The following ZMYM5 variants were observed in gnomAD, a reference collection of about 807,000 sequenced individuals.
ZMYM5 encodes the protein zinc finger MYM-type containing 5.
ZMYM5 carries 41 observed loss-of-function variants against 61.8 expected under a neutral mutation model. That is an observed-to-expected ratio of 0.66 (90% CI 0.52 to 0.86). The LOEUF is 0.86. Ranked by LOEUF, ZMYM5 falls within the 40% of genes least tolerant of loss-of-function variation. ZMYM5 has a pLI of 0.00. For missense variants in ZMYM5, 706 were observed against 786.7 expected (o/e 0.90, Z 1.23); for synonymous variants, 257 against 276.4 (o/e 0.93, Z 0.70).
intron 6 of ZMYM5, 136 bp from the exon 7 acceptor site, chr13:19,835,825 G>GT: frequency 3.4e-6 from 2 of 583,784 alleles, no homozygotes; most frequent in Non-Finnish European, 5.1e-6. Flanking sequence ...CCAGGGAAAA[G>GT]ATTTTTTTTT....
At chr13:19,836,418 T>C (rs936988013) in intron 6 of ZMYM5, among the ~76,000 whole-genome samples, 1 of 152,130 alleles carries the variant, frequency 6.6e-6, no homozygotes, top group Non-Finnish European at 1.5e-5. Flanking sequence ...GATTTTGACA[T>C]GACCCGCTTA....
In ZMYM5 at chr13:19,837,834, G is replaced by T; in HGVS notation, c.873-13C>A. 1.3e-6 allele frequency: 2 copies of T among 1,569,636 alleles called. No individual in the cohort carries two copies. Among genetic ancestry groups the T allele is most frequent in the East Asian group, 4.6e-5 (2 of 43,254 alleles). On this transcript the variant is annotated splice_polypyrimidine_tract_variant and intron_variant, in intron 5 of 7. Transcript: ENST00000337963. The stretch of plus-strand genomic sequence containing the variant: ...TGTAGATGCATCTCTGAAACAGAAG[G>T]GATAGACACATAATTTAAGAACACT...
intron 7 of ZMYM5, among the ~76,000 whole-genome samples, chr13:19,830,833 CTTTTTCTT>C (rs1891171164): frequency 7.0e-6 from 1 of 143,164 alleles, no homozygotes; most frequent in Non-Finnish European, 1.5e-5. Flanking sequence ...TTATGAGTTA[CTTTTTCTT>C]TTTTTTTTTT....
intron 4 of ZMYM5, among the ~76,000 whole-genome samples, chr13:19,849,797 T>C (rs552379030): frequency 1.5e-4 from 23 of 152,004 alleles, no homozygotes; most frequent in Admixed American, 7.9e-4. Flanking sequence ...CTGGCCAACA[T>C]AGTGAAACCC....
chr13:19,851,429 GGTC>G lies in ZMYM5; in HGVS notation c.509_511del (p.Arg170_Pro171delinsThr). ...CACATTCATTCTACCAGGGTTAAAAGGTCTTACTCCAGTCTTGGTCTGTGGAGT... is the reference window on the plus strand; with the variant it reads ...CACATTCATTCTACCAGGGTTAAAAGTTACTCCAGTCTTGGTCTGTGGAGT... On this transcript the variant is annotated inframe_deletion, in exon 4 of 8. Transcript: ENST00000337963. 6.2e-7 allele frequency: 1 copy of G among 1,614,074 alleles called. No individual in the cohort carries two copies. The highest frequency in any genetic ancestry group is 1.1e-5 in the South Asian group (1 of 91,072).
rs1007126726 is a variant in ZMYM5 at position 19,829,449 on chromosome 13, A to G, written c.1252-4214T>C. 2.0e-5 allele frequency among the ~76,000 whole-genome samples: 3 copies of G among 152,072 alleles called. 1 individual carries two copies. The highest frequency in any genetic ancestry group is 6.8e-3 in the Middle Eastern group (2 of 292). On this transcript the variant is annotated intron_variant, in intron 7 of 7. Transcript: ENST00000337963. Reference sequence around the variant, plus strand: ...TGGGACCACAGGGGCATGCCACGCCAGCTAATTTTTAAGTTTTTTTTGTAG... The same window carrying G: ...TGGGACCACAGGGGCATGCCACGCCGGCTAATTTTTAAGTTTTTTTTGTAG...
intron 4 of ZMYM5, among the ~76,000 whole-genome samples, chr13:19,842,640 C>CT (rs1224676783): frequency 5.1e-4 from 69 of 135,662 alleles, no homozygotes; most frequent in Admixed American, 1.6e-3. Context: ...ATGACTTAAG[C>CT]TTTTTTTTTT....
chr13:19,844,681 G>A (rs1160062499), intron 4 of ZMYM5, among the ~76,000 whole-genome samples: 5 of 152,178 alleles, frequency 3.3e-5, no homozygotes, highest in African/African-American at 1.2e-4. Context: ...GAGTGCAGTG[G>A]CGCAATATCG....
chr13:19,849,640 T>A (rs1566102576), intron 4 of ZMYM5, among the ~76,000 whole-genome samples: 1 of 152,110 alleles, frequency 6.6e-6, no homozygotes, highest in African/African-American at 2.4e-5. Context: ...TCTATAATAA[T>A]CACATAGTAT....
rs199536667 is a variant in ZMYM5, at chr13:19,838,682, T to C, written c.872+18A>G. 2.5e-5 allele frequency: 40 copies of C among 1,611,972 alleles called. No homozygotes were observed. In the East Asian group the frequency reaches 3.6e-4, roughly 14 times the overall value. ...TAGTATTCAACTATGTGGAGAAATG[T>C]TGAAAGGTACTGCTTACTTTTTACA... On this transcript the variant is annotated intron_variant, in intron 5 of 7. Coordinates refer to ENST00000337963, the MANE Select transcript of ZMYM5 (RefSeq NM_001142684.2).
chr13:19,860,436 GTGTGTGTGTGTA>G (rs1187018440), intron 2 of ZMYM5, among the ~76,000 whole-genome samples: 53 of 98,230 alleles, frequency 5.4e-4, no homozygotes, highest in South Asian at 4.6e-3. Flanking sequence ...AATTTTGTGT[GTGTGTGTGTGTA>G]TGTGTGTGTG....
chr13:19,861,358 ACACTGGAACT>A (rs1953754668), intron 2 of ZMYM5, among the ~76,000 whole-genome samples: 1 of 152,106 alleles, frequency 6.6e-6, no homozygotes, highest in African/African-American at 2.4e-5. Context: ...CATGTTGTCC[ACACTGGAACT>A]CCTGGGCTCA....
In ZMYM5 at chr13:19,835,483, A is replaced by G. The variant is rs779685959; in HGVS notation, c.1245T>C (p.Tyr415=). The G allele has an allele frequency of 1.5e-6, 2 of 1,366,740 alleles. No homozygotes were observed. The highest frequency in any genetic ancestry group is 3.0e-5 in the African/African-American group (2 of 67,762). 84.7% of individuals were successfully genotyped at this position (1,366,740 alleles called of 1,614,324 possible). Residue 415 remains tyrosine, a synonymous_variant, in exon 7 of 8, where the codon TAT becomes TAC. Coordinates refer to ENST00000337963, the MANE Select transcript of ZMYM5 (RefSeq NM_001142684.2). ...GCTCATGAAAAAGAATTACCTGTTT[A>G]TATTCGTTAATACAACTTTGGCAGC... is the stretch of plus-strand genomic sequence containing the variant. The part of the protein sequence containing the change: ...RFCCQSCINE[Y]KQMMETKSKK...
At chr13:19,854,350 C>T (rs1018595364) in intron 2 of ZMYM5, among the ~76,000 whole-genome samples, 10 of 152,102 alleles carry the variant, frequency 6.6e-5, no homozygotes, top group African/African-American at 1.7e-4. Context: ...CCCTGCTGGG[C>T]GTGGTGGCTC....
chr13:19,826,532 G>T (rs1890925672), intron 7 of ZMYM5, among the ~76,000 whole-genome samples: 1 of 151,912 alleles, frequency 6.6e-6, no homozygotes, highest in South Asian at 2.1e-4. Context: ...CGAGGTGGGG[G>T]GATCACGAGG....
chr13:19,858,585 CAAAAAAAAAAA>C (rs34468029), intron 2 of ZMYM5, among the ~76,000 whole-genome samples: 4 of 85,340 alleles, frequency 4.7e-5, no homozygotes, highest in Non-Finnish European at 8.2e-5. Context: ...GACGCTGTTT[CAAAAAAAAAAA>C]AAAAAAAAAA....
intron 7 of ZMYM5, among the ~76,000 whole-genome samples, chr13:19,830,721 T>TCA (rs1003503415): frequency 2.6e-5 from 4 of 152,014 alleles, no homozygotes; most frequent in African/African-American, 9.7e-5. Context: ...AGACAGGGGC[T>TCA]CACCATGTTG....
At chr13:19,850,215 T>C (rs9315166) in intron 4 of ZMYM5, among the ~76,000 whole-genome samples, 18,270 of 152,176 alleles carry the variant, frequency 0.12, 1,443 homozygotes, top group African/African-American at 0.22. Context: ...TAGGACTATC[T>C]ATATAAGTTC....
intron 2 of ZMYM5, among the ~76,000 whole-genome samples, chr13:19,854,849 G>C (rs762334615): frequency 3.3e-5 from 5 of 152,076 alleles, no homozygotes; most frequent in Non-Finnish European, 7.3e-5. Flanking sequence ...AAGGTAGTCA[G>C]GATTCAAATC....
Sources: allele counts gnomAD v4.1 joint callset (sites outside exome capture counted in the v4.1 genomes callset), GRCh38; gene constraint gnomAD v4.1.1; transcripts MANE v1.5; gene names NCBI Gene and HGNC (gene_info 2026-07-23, HGNC 2026-07-21).